The following TMEM132D variants were observed in gnomAD, a reference collection of about 807,000 sequenced individuals.
TMEM132D encodes transmembrane protein 132D.
Under a neutral mutation model 62.3 loss-of-function variants are expected in TMEM132D, and 21 were observed. That is an observed-to-expected ratio of 0.34 (90% confidence interval 0.24 to 0.49). TMEM132D has a LOEUF of 0.49. TMEM132D is among the 20% of genes least tolerant of loss of function. TMEM132D has a pLI of 0.99. For synonymous variants in TMEM132D, 621 were observed against 575.6 expected (o/e 1.08, Z -1.13); for missense variants, 1,346 against 1,402.8 (o/e 0.96, Z 0.65).
At chr12:129,368,367 A>C (rs1361525595) in intron 3 of TMEM132D, among the ~76,000 whole-genome samples, 1 of 152,148 alleles carries the variant, frequency 6.6e-6, no homozygotes, top group East Asian at 1.9e-4. Flanking sequence ...CCCCTTCCAC[A>C]TTCTCCATCC....
At chr12:129,317,990 T>A (rs1423715674) in intron 4 of TMEM132D, among the ~76,000 whole-genome samples, 1 of 152,150 alleles carries the variant, frequency 6.6e-6, no homozygotes, top group Non-Finnish European at 1.5e-5. Flanking sequence ...ATTTCCTGAA[T>A]TTTTTTGTTT....
chr12:129,299,478 T>C (rs1881656999), intron 4 of TMEM132D, among the ~76,000 whole-genome samples: 1 of 151,134 alleles, frequency 6.6e-6, no homozygotes, highest in Non-Finnish European at 1.5e-5. Context: ...TTTCATTTAA[T>C]TGATTTTCTC....
At chr12:129,389,137 C>G (rs148057418) in intron 3 of TMEM132D, among the ~76,000 whole-genome samples, 1 of 107,966 alleles carries the variant, frequency 9.3e-6, no homozygotes, top group African/African-American at 2.9e-5. Context: ...AACACCAACA[C>G]GAATCCTAAT....
intron 3 of TMEM132D, among the ~76,000 whole-genome samples, chr12:129,519,652 A>G (rs891937082): frequency 6.7e-6 from 1 of 150,312 alleles, no homozygotes; most frequent in Non-Finnish European, 1.5e-5. Flanking sequence ...TCTGTGGCCC[A>G]GGCTGGAGTC....
intron 3 of TMEM132D, among the ~76,000 whole-genome samples, chr12:129,502,452 C>T (rs1875180890): frequency 6.6e-6 from 1 of 152,116 alleles, no homozygotes; most frequent in Non-Finnish European, 1.5e-5. Context: ...GGCAGAAGCC[C>T]AGCGTCAACC....
chr12:129,526,990 A>G (rs79849854), intron 3 of TMEM132D, among the ~76,000 whole-genome samples: 4,047 of 152,300 alleles, frequency 0.027, 101 homozygotes, highest in East Asian at 0.13. Flanking sequence ...GTCTTGTTTA[A>G]GATATTCCTA....
chr12:129,224,314 T>C (rs1288785762), intron 4 of TMEM132D, among the ~76,000 whole-genome samples: 1 of 152,332 alleles, frequency 6.6e-6, no homozygotes, highest in Admixed American at 6.5e-5. Context: ...TTGTCTTCTG[T>C]TCCGATGAAT....
At chr12:129,590,982 A>G (rs969841564) in intron 2 of TMEM132D, among the ~76,000 whole-genome samples, 2 of 152,210 alleles carry the variant, frequency 1.3e-5, no homozygotes, top group Non-Finnish European at 2.9e-5. Context: ...GGTCACGCTG[A>G]CCATGTGAAG....
At chr12:129,351,127 G>C (rs372666049) in intron 3 of TMEM132D, among the ~76,000 whole-genome samples, 1 of 152,126 alleles carries the variant, frequency 6.6e-6, no homozygotes, top group African/African-American at 2.4e-5. Context: ...CCTTCTCTTC[G>C]GGGATGGTTA....
At chr12:129,170,675 A>G (rs1262375472) in intron 5 of TMEM132D, among the ~76,000 whole-genome samples, 1 of 152,112 alleles carries the variant, frequency 6.6e-6, no homozygotes, top group Non-Finnish European at 1.5e-5. Flanking sequence ...AAATACAAAA[A>G]TAAGCTGAGT....
chr12:129,541,564 A>G (rs1876583415), intron 2 of TMEM132D, among the ~76,000 whole-genome samples: 5 of 152,128 alleles, frequency 3.3e-5, no homozygotes, highest in Admixed American at 3.3e-4. Context: ...TTCATTCATC[A>G]CCATTTCCAG....
chr12:129,409,772 G>A (rs959665028), intron 3 of TMEM132D, among the ~76,000 whole-genome samples: 5 of 152,104 alleles, frequency 3.3e-5, no homozygotes, highest in Admixed American at 1.3e-4. Flanking sequence ...TTATGTTACC[G>A]AGCTTCCCCA....
At chr12:129,381,113 G>A (rs968736334) in intron 3 of TMEM132D, among the ~76,000 whole-genome samples, 2 of 152,148 alleles carry the variant, frequency 1.3e-5, no homozygotes, top group African/African-American at 4.8e-5. Context: ...AGTGAAATGA[G>A]AAAAGGAGTA....
chr12:129,306,576 G>A lies in TMEM132D; in HGVS notation c.1299+31058C>T, dbSNP rs569924102. Among the ~76,000 whole-genome samples, 4 of 152,220 alleles carry A rather than the reference G, an allele frequency of 2.6e-5. No individual in the cohort carries two copies. The South Asian group carries it at 8.3e-4, about 32-fold the overall frequency. ...AAACTAGGAATTCCACTGGCAAATA[G>A]GATTTTATGATAAAGAACCCTGTGC... On this transcript the variant is annotated intron_variant, in intron 4 of 8. Transcript: ENST00000422113.
intron 5 of TMEM132D, among the ~76,000 whole-genome samples, chr12:129,135,594 T>G (rs1565975017): frequency 1.3e-5 from 2 of 152,260 alleles, no homozygotes; most frequent in African/African-American, 4.8e-5. Flanking sequence ...AATTGTGTTG[T>G]ATCAGTTTCT....
chr12:129,898,017 C>T (rs571238665), intron 1 of TMEM132D, among the ~76,000 whole-genome samples: 1 of 152,346 alleles, frequency 6.6e-6, no homozygotes, highest in South Asian at 2.1e-4. Flanking sequence ...TACTTAACAT[C>T]TCTGAACTTC....
At chr12:129,431,958 T>G (rs1872664569) in intron 3 of TMEM132D, among the ~76,000 whole-genome samples, 1 of 152,348 alleles carries the variant, frequency 6.6e-6, no homozygotes, top group South Asian at 2.1e-4. Flanking sequence ...TATGCAAATC[T>G]TTTAGATCTC....
At chr12:129,343,793 C>T (rs538008840) in intron 3 of TMEM132D, among the ~76,000 whole-genome samples, 3 of 151,650 alleles carry the variant, frequency 2.0e-5, no homozygotes, top group East Asian at 1.9e-4. Flanking sequence ...ACAAATGAGC[C>T]GGGCATGGTG....
chr12:129,559,110 C>G (rs1877142519), intron 2 of TMEM132D, among the ~76,000 whole-genome samples: 2 of 152,136 alleles, frequency 1.3e-5, no homozygotes, highest in African/African-American at 2.4e-5. Flanking sequence ...ATCAGCATCC[C>G]TAAATGTCTT....
Sources: allele counts gnomAD v4.1 joint callset (sites outside exome capture counted in the v4.1 genomes callset), GRCh38; gene constraint gnomAD v4.1.1; transcripts MANE v1.5; gene names NCBI Gene and HGNC (gene_info 2026-07-23, HGNC 2026-07-21).